The following NUDT3 variants were observed in gnomAD, a reference collection of about 807,000 sequenced individuals.
NUDT3 encodes nudix hydrolase 3.
Under a neutral mutation model 23.6 loss-of-function variants are expected in NUDT3, and 9 were observed. The ratio of observed to expected loss-of-function variants is 0.38; its 90% CI spans 0.23 to 0.66. The LOEUF is 0.66. Among genes scored for constraint, NUDT3 ranks in the 30% least tolerant of loss-of-function variants. The pLI is 0.52. For synonymous variants in NUDT3, 86 were observed against 82.6 expected (o/e 1.04, Z -0.22); for missense variants, 172 against 218.5 (o/e 0.79, Z 1.34).
At chr6:34,291,937 T>C (rs1041504657) in intron 4 of NUDT3, among the ~76,000 whole-genome samples, 22 of 152,224 alleles carry the variant, frequency 1.4e-4, no homozygotes, top group African/African-American at 5.3e-4. Flanking sequence ...ATAATGGTAG[T>C]AAGATCATCT....
At chr6:34,314,760 T>C (rs953806190) in intron 2 of NUDT3, among the ~76,000 whole-genome samples, 1 of 152,130 alleles carries the variant, frequency 6.6e-6, no homozygotes, top group Non-Finnish European at 1.5e-5. Context: ...CATAAGTCAC[T>C]GTGTGATTCG....
Position 34,283,605 on chromosome 6 carries a change from T to C in NUDT3, c.*5148A>G, listed in dbSNP as rs558233308. The C allele has an allele frequency of 1.1e-4, 17 of 152,186 alleles. No individual in the cohort carries two copies. Among genetic ancestry groups the C allele is most frequent in the African/African-American group, 4.1e-4 (17 of 41,450 alleles). The allele number at this position is 152,186 out of a possible 1,614,324, so 9.4% of individuals were successfully genotyped here. A position where few individuals can be genotyped will look rare whatever the true frequency, so the allele number is the denominator to read the frequency against. ...AGATGCTCCAACTAGGCTTCTCACA[T>C]CCCTCAAAGGTTATCAGCTAAAGAC... is the stretch of plus-strand genomic sequence containing the variant. On this transcript the variant is annotated 3_prime_UTR_variant, in exon 5 of 5. Transcript: ENST00000607016.
rs140450489 is a variant in NUDT3, at chr6:34,352,958, A to C, written c.100-10986T>G. ...AACTGATAGAGGTATATGTGTCTAG[A>C]ATTCGTCTTCCTAATTCTACTCTTT... On this transcript the variant is annotated intron_variant, in intron 1 of 4. Coordinates refer to ENST00000607016, the MANE Select transcript of NUDT3 (RefSeq NM_006703.4). 4.1e-3 allele frequency among the ~76,000 whole-genome samples: 621 copies of C among 152,300 alleles called. 9 individuals carry two copies. Among genetic ancestry groups the C allele is most frequent in the South Asian group, 0.023 (111 of 4,824 alleles).
chr6:34,318,934 G>C (rs1464652165), intron 2 of NUDT3, among the ~76,000 whole-genome samples: 1 of 151,624 alleles, frequency 6.6e-6, no homozygotes, highest in East Asian at 1.9e-4. Flanking sequence ...GCTAGGGTGA[G>C]ATATAACCAA....
chr6:34,318,005 A>G (rs1046871570), intron 2 of NUDT3, among the ~76,000 whole-genome samples: 3 of 152,234 alleles, frequency 2.0e-5, no homozygotes, highest in Non-Finnish European at 4.4e-5. Flanking sequence ...CTCTAAGAAT[A>G]GCAAGGTCAG....
At chr6:34,354,749 A>ATATATATATATATATATTTATT (rs570166534) in intron 1 of NUDT3, among the ~76,000 whole-genome samples, 8,477 of 144,006 alleles carry the variant, frequency 0.059, 377 homozygotes, top group Non-Finnish European at 0.088. Flanking sequence ...ATATATATAT[A>ATATATATATATATATATTTATT]TATTTATTTA....
chr6:34,339,746 C>G (rs1038531905), intron 2 of NUDT3, among the ~76,000 whole-genome samples: 5 of 152,162 alleles, frequency 3.3e-5, no homozygotes, highest in African/African-American at 1.2e-4. Flanking sequence ...GATTGTATGG[C>G]CTGTATAATA....
chr6:34,351,224 A>AAAAAAAAAAAAAAAAAAAAAC (rs1374203552), intron 1 of NUDT3, among the ~76,000 whole-genome samples: 1 of 136,252 alleles, frequency 7.3e-6, no homozygotes, highest in African/African-American at 3.0e-5. Flanking sequence ...AAAAAAAAAA[A>AAAAAAAAAAAAAAAAAAAAAC]AACACTTTGG....
intron 1 of NUDT3, among the ~76,000 whole-genome samples, chr6:34,370,364 C>T (rs1473139527): frequency 3.3e-5 from 5 of 152,186 alleles, no homozygotes; most frequent in African/African-American, 1.2e-4. Flanking sequence ...TCCCATTCCT[C>T]CTCATGGCCT....
intron 1 of NUDT3, among the ~76,000 whole-genome samples, chr6:34,379,417 G>A (rs1302410535): frequency 6.6e-6 from 1 of 151,740 alleles, no homozygotes; most frequent in Non-Finnish European, 1.5e-5. Flanking sequence ...AAAATTAGCT[G>A]GGCGTGTTAG....
chr6:34,318,184 C>G (rs1015543224), intron 2 of NUDT3, among the ~76,000 whole-genome samples: 1 of 152,148 alleles, frequency 6.6e-6, no homozygotes, highest in Non-Finnish European at 1.5e-5. Context: ...AAATATATCC[C>G]TTTAGAATTC....
At chr6:34,338,283 C>G (rs115690892) in intron 2 of NUDT3, among the ~76,000 whole-genome samples, 1,622 of 152,292 alleles carry the variant, frequency 0.011, 30 homozygotes, top group African/African-American at 0.037. Flanking sequence ...CTACCTACTG[C>G]ATCCCCAAAG....
At chr6:34,326,076 T>A (rs911486439) in intron 2 of NUDT3, among the ~76,000 whole-genome samples, 4 of 151,120 alleles carry the variant, frequency 2.6e-5, no homozygotes, top group African/African-American at 9.9e-5. Flanking sequence ...TACATTGTTA[T>A]TAGGAATTCA....
At chr6:34,305,024 C>T (rs1449110835) in intron 2 of NUDT3, among the ~76,000 whole-genome samples, 2 of 141,708 alleles carry the variant, frequency 1.4e-5, no homozygotes, top group African/African-American at 5.3e-5. Flanking sequence ...GCTCTGTCAC[C>T]CAGGCAGGAG....
intron 1 of NUDT3, among the ~76,000 whole-genome samples, chr6:34,353,198 T>C (rs1051207218): frequency 3.9e-5 from 6 of 152,342 alleles, no homozygotes; most frequent in African/African-American, 1.4e-4. Flanking sequence ...TACACATTGT[T>C]CTACTTTGCC....
chr6:34,359,943 T>C (rs983763903), intron 1 of NUDT3, among the ~76,000 whole-genome samples: 8 of 152,134 alleles, frequency 5.3e-5, no homozygotes, highest in Non-Finnish European at 8.8e-5. Flanking sequence ...TCCACTCTAG[T>C]GGGTGTGACA....
chr6:34,364,461 A>ACT (rs1764695881), intron 1 of NUDT3, among the ~76,000 whole-genome samples: 2 of 152,184 alleles, frequency 1.3e-5, no homozygotes, highest in Non-Finnish European at 2.9e-5. Context: ...TACAAGTGCT[A>ACT]CTGACAGTTT....
Position 34,279,955 on chromosome 6 carries a change from G to A in NUDT3, c.*8798C>T, listed in dbSNP as rs909156662. The A allele has an allele frequency of 6.6e-6, 1 of 152,206 alleles. No homozygotes were observed. Among genetic ancestry groups the A allele is most frequent in the African/African-American group, 2.4e-5 (1 of 41,426 alleles). The allele number at this position is 152,206 out of a possible 1,614,324, so 9.4% of individuals were successfully genotyped here. A position where few individuals can be genotyped will look rare whatever the true frequency, so the allele number is the denominator to read the frequency against. On this transcript the variant is annotated 3_prime_UTR_variant, in exon 5 of 5. Coordinates refer to ENST00000607016, the MANE Select transcript of NUDT3 (RefSeq NM_006703.4). ...CATAAGGGATACATTAGTAAAGTAGGGAAAGGGTTATATGTGTGGCTGGCC... is the reference window on the plus strand; with the variant it reads ...CATAAGGGATACATTAGTAAAGTAGAGAAAGGGTTATATGTGTGGCTGGCC...
At chr6:34,304,166 C>T (rs1763640454) in intron 2 of NUDT3, among the ~76,000 whole-genome samples, 2 of 151,178 alleles carry the variant, frequency 1.3e-5, no homozygotes, top group South Asian at 4.2e-4. Flanking sequence ...AGGAGGAGAA[C>T]CACTTGAACC....
Sources: allele counts gnomAD v4.1 joint callset (sites outside exome capture counted in the v4.1 genomes callset), GRCh38; gene constraint gnomAD v4.1.1; transcripts MANE v1.5; gene names NCBI Gene and HGNC (gene_info 2026-07-23, HGNC 2026-07-21).